RBM28: variants seen among roughly 807,000 people sequenced by gnomAD.
RBM28 encodes the protein RNA-binding protein 28.
Under a neutral mutation model 98.3 loss-of-function variants are expected in RBM28, and 78 were observed. That is an observed-to-expected ratio of 0.79 (90% CI 0.66 to 0.96). RBM28 has a LOEUF of 0.96. Among genes scored for constraint, RBM28 ranks in the 40% least tolerant of loss-of-function variants. The pLI is 0.00. For missense variants in RBM28, 838 were observed against 913.0 expected (o/e 0.92, Z 1.06); for synonymous variants, 306 against 330.9 (o/e 0.92, Z 0.82).
chr7:128,328,711 C>T (rs1400447694), intron 10 of RBM28, among the ~76,000 whole-genome samples: 1 of 152,140 alleles, frequency 6.6e-6, no homozygotes, highest in African/African-American at 2.4e-5. Flanking sequence ...TAACTTGGAA[C>T]ATTCTATGCA....
At chr7:128,339,826 A>C in intron 1 of RBM28, 35 bp from the exon 2 acceptor site, 4 of 1,601,746 alleles carry the variant, frequency 2.5e-6, no homozygotes, top group Non-Finnish European at 3.4e-6. Context: ...GTGGAGGGGC[A>C]GTGTGAAAAG....
intron 5 of RBM28, among the ~76,000 whole-genome samples, chr7:128,337,979 C>T (rs1796638472): frequency 6.6e-6 from 1 of 152,110 alleles, no homozygotes; most frequent in South Asian, 2.1e-4. Context: ...AGATACCAAC[C>T]TGCATCTATC....
chr7:128,339,764 TAGCCAA>T lies in RBM28; in HGVS notation c.140_145del (p.Phe47_Gly48del). The T allele has an allele frequency of 6.2e-7, 1 of 1,614,030 alleles. No homozygotes were observed. Among genetic ancestry groups the T allele is most frequent in the Non-Finnish European group, 8.5e-7 (1 of 1,179,956 alleles). On this transcript the variant is annotated inframe_deletion, in exon 2 of 19. Transcript: ENST00000223073. ...ATCTTCCAGCATTGAAAAAGTGACATAGCCAAAGCCTCGACATGCCTTACTCCCTGG... is the reference window on the plus strand; with the variant it reads ...ATCTTCCAGCATTGAAAAAGTGACATAGCCTCGACATGCCTTACTCCCTGG...
At position 128,303,308 on chromosome 7, in the gene RBM28, G is replaced by A. The variant is rs923637951; in HGVS notation, c.*7489C>T. Reference sequence around the variant, plus strand: ...CAGGTGGCCAAGGGGTTTCAGGAGAGGGTCTGGACTTCCCCACATCCTGCT... The same window carrying A: ...CAGGTGGCCAAGGGGTTTCAGGAGAAGGTCTGGACTTCCCCACATCCTGCT... On this transcript the variant is annotated 3_prime_UTR_variant, in exon 19 of 19. Coordinates refer to ENST00000223073, the MANE Select transcript of RBM28 (RefSeq NM_018077.3). The A allele has an allele frequency of 2.0e-5, 3 of 152,244 alleles. No homozygotes were observed. Among genetic ancestry groups the A allele is most frequent in the African/African-American group, 7.2e-5 (3 of 41,452 alleles). The allele number at this position is 152,244 out of a possible 1,614,324, so 9.4% of individuals were successfully genotyped here.
rs1432657765 is a variant in RBM28, at chr7:128,297,904, G to A, written c.*12893C>T. 3.5e-5 allele frequency: 5 copies of A among 144,266 alleles called. No individual in the cohort carries two copies. Among genetic ancestry groups the A allele is most frequent in the Non-Finnish European group, 7.5e-5 (5 of 66,774 alleles). 8.9% of individuals were successfully genotyped at this position (144,266 alleles called of 1,614,324 possible). A position where few individuals can be genotyped will look rare whatever the true frequency, so the allele number is the denominator to read the frequency against. On this transcript the variant is annotated 3_prime_UTR_variant, in exon 19 of 19. Coordinates refer to ENST00000223073, the MANE Select transcript of RBM28 (RefSeq NM_018077.3). Reference sequence around the variant, plus strand: ...TCGCAAGAACAAAAAACCAAACACCGCATATTCTCACTCATAGGTGGGAAT... The same window carrying A: ...TCGCAAGAACAAAAAACCAAACACCACATATTCTCACTCATAGGTGGGAAT...
At chr7:128,311,750 C>CAG (rs1795990079) in intron 18 of RBM28, among the ~76,000 whole-genome samples, 1 of 151,714 alleles carries the variant, frequency 6.6e-6, no homozygotes, top group Non-Finnish European at 1.5e-5. Context: ...TGAAAACTAA[C>CAG]AGAGAGAGAG....
chr7:128,311,442 CA>C (rs1795983107), intron 18 of RBM28, among the ~76,000 whole-genome samples: 1 of 152,068 alleles, frequency 6.6e-6, no homozygotes, highest in Non-Finnish European at 1.5e-5. Flanking sequence ...TTCAAGTGTT[CA>C]AGAATGTAGG....
chr7:128,342,130 A>G (rs980335956), intron 1 of RBM28, among the ~76,000 whole-genome samples: 8 of 152,152 alleles, frequency 5.3e-5, no homozygotes, highest in Non-Finnish European at 2.9e-5. Flanking sequence ...CTGCACTCCA[A>G]CTGTCAACAG....
rs1344197959 is a variant in RBM28, at chr7:128,323,515, T to C, written c.1404+12A>G. The C allele has an allele frequency of 6.2e-7, 1 of 1,614,024 alleles. No homozygotes were observed. The highest frequency in any genetic ancestry group is 8.5e-7 in the Non-Finnish European group (1 of 1,179,958). ...CACGCAGAACGTGAAGGTCAATGCC[T>C]AATCTACTCACCCGTTCTCTTTTGG... On this transcript the variant is annotated intron_variant, in intron 13 of 18. Transcript: ENST00000223073.
At position 128,310,765 on chromosome 7, in the gene RBM28, AACCCAGCTTCTT is replaced by A. The variant is rs759651372; in HGVS notation, c.*20_*31del. 96 of 1,613,102 alleles carry A rather than the reference AACCCAGCTTCTT, an allele frequency of 6.0e-5. 1 individual carries two copies. In the East Asian group the frequency reaches 2.1e-3, roughly 36 times the overall value. On this transcript the variant is annotated 3_prime_UTR_variant, in exon 19 of 19. Coordinates refer to ENST00000223073, the MANE Select transcript of RBM28 (RefSeq NM_018077.3). ...CCAGGAGTGTCACCAGAAAGTACAC[AACCCAGCTTCTT>A]ACCCAGCCTGCTGCCATCATCAACT...
intron 8 of RBM28, among the ~76,000 whole-genome samples, 193 bp from the exon 9 acceptor site, chr7:128,333,555 TA>T (rs902913815): frequency 3.9e-5 from 6 of 152,034 alleles, no homozygotes; most frequent in Admixed American, 1.3e-4. Flanking sequence ...CTGTCTCTAC[TA>T]AAAATACAAA....
intron 10 of RBM28, among the ~76,000 whole-genome samples, chr7:128,326,095 G>C (rs977590865): frequency 4.6e-5 from 7 of 152,180 alleles, no homozygotes; most frequent in African/African-American, 1.7e-4. Context: ...ATGAGGTCAA[G>C]AGATCAAGAC....
rs71578257 is a variant in RBM28, at chr7:128,298,018, G to A, written c.*12779C>T. 1 of 124,920 alleles carries A rather than the reference G, an allele frequency of 8.0e-6. No individual in the cohort carries two copies. Among genetic ancestry groups the A allele is most frequent in the Non-Finnish European group, 1.8e-5 (1 of 56,134 alleles). 7.7% of individuals were successfully genotyped at this position (124,920 alleles called of 1,614,324 possible). A position where few individuals can be genotyped will look rare whatever the true frequency, so the allele number is the denominator to read the frequency against. ...GGGGGGAGGGGGGAGGGATAGCATT[G>A]GGAGATATACCTAATGCTAGATGAC... On this transcript the variant is annotated 3_prime_UTR_variant, in exon 19 of 19. Coordinates refer to ENST00000223073, the MANE Select transcript of RBM28 (RefSeq NM_018077.3).
At position 128,309,169 on chromosome 7, in the gene RBM28, C is replaced by T. The variant is rs770670487; in HGVS notation, c.*1628G>A. The T allele has an allele frequency of 5.3e-5, 8 of 152,070 alleles. No homozygotes were observed. Among genetic ancestry groups the T allele is most frequent in the African/African-American group, 1.4e-4 (6 of 41,382 alleles). The allele number at this position is 152,070 out of a possible 1,614,324, so 9.4% of individuals were successfully genotyped here. A position where few individuals can be genotyped will look rare whatever the true frequency, so the allele number is the denominator to read the frequency against. On this transcript the variant is annotated 3_prime_UTR_variant, in exon 19 of 19. Transcript: ENST00000223073. ...TCATTCAACAAATATTTATTCAATA[C>T]TTACTACGTGCCTGGGTCAGTACTA... is the stretch of plus-strand genomic sequence containing the variant.
At chr7:128,332,935 T>A (rs1291130780) in intron 9 of RBM28, among the ~76,000 whole-genome samples, 1 of 152,166 alleles carries the variant, frequency 6.6e-6, no homozygotes, top group East Asian at 1.9e-4. Context: ...AAGTTAGGCA[T>A]AAAGACAGAA....
At position 128,335,674 on chromosome 7, in the gene RBM28, A is replaced by C; in HGVS notation, c.815T>G (p.Val272Gly). The C allele has an allele frequency of 6.2e-7, 1 of 1,614,100 alleles. No homozygotes were observed. The highest frequency in any genetic ancestry group is 8.5e-7 in the Non-Finnish European group (1 of 1,180,010). Reference sequence around the variant, plus strand: ...GCTTTTTGCAGGGGCTGGTCTCTTGACTGCTCTGCAATGGCACAGATCAGA... The same window carrying C: ...GCTTTTTGCAGGGGCTGGTCTCTTGCCTGCTCTGCAATGGCACAGATCAGA... ...TKPVQIQKRA[V>G]KRPAPAKSSD... The change falls in exon 8 of 19, where the codon GTC becomes GGC. Residue 272 changes from valine (V) to glycine (G), a missense_variant. Physicochemically the swap from Val to Gly is moderately radical, Grantham distance 109 (BLOSUM62 -3). Coordinates refer to ENST00000223073, the MANE Select transcript of RBM28 (RefSeq NM_018077.3).
At chr7:128,331,563 A>G (rs1302424021) in intron 9 of RBM28, among the ~76,000 whole-genome samples, 1 of 152,132 alleles carries the variant, frequency 6.6e-6, no homozygotes. Flanking sequence ...TTAATTAGCC[A>G]TTTTTTCCTC....
chr7:128,307,237 T>C lies in RBM28; in HGVS notation c.*3560A>G, dbSNP rs1795884351. ...CAGAGCTGCTTCTTATATGACAGAA[T>C]TGGCAGCTGCCTGTCACTTCACAGT... is the stretch of plus-strand genomic sequence containing the variant. On this transcript the variant is annotated 3_prime_UTR_variant, in exon 19 of 19. Coordinates refer to ENST00000223073, the MANE Select transcript of RBM28 (RefSeq NM_018077.3). The C allele has an allele frequency of 6.6e-6, 1 of 152,212 alleles. No individual in the cohort carries two copies. Among genetic ancestry groups the C allele is most frequent in the Non-Finnish European group, 1.5e-5 (1 of 68,046 alleles). 9.4% of individuals were successfully genotyped at this position (152,212 alleles called of 1,614,324 possible).
chr7:128,343,340 T>G (rs1796769506), intron 1 of RBM28, among the ~76,000 whole-genome samples: 1 of 152,180 alleles, frequency 6.6e-6, no homozygotes, highest in South Asian at 2.1e-4. Flanking sequence ...CCGGTAAGAT[T>G]GCTGAGAAAA....
Sources: allele counts gnomAD v4.1 joint callset (sites outside exome capture counted in the v4.1 genomes callset), GRCh38; gene constraint gnomAD v4.1.1; transcripts MANE v1.5; gene names NCBI Gene and HGNC (gene_info 2026-07-23, HGNC 2026-07-21).